CTNND2: variants seen among roughly 807,000 people sequenced by gnomAD.
CTNND2 encodes the protein catenin delta-2.
In CTNND2, 22 loss-of-function variants were observed where a neutral mutation model predicts 144.4. The observed-to-expected ratio is 0.15, with a 90% CI of 0.11 to 0.22. The LOEUF (loss-of-function observed/expected upper bound fraction) is 0.22, where lower values mean the gene tolerates loss of function less well. CTNND2 is among the 10% of genes least tolerant of loss of function. CTNND2 has a pLI of 1.00. For missense variants in CTNND2, 1,353 were observed against 1,618.8 expected (o/e 0.84, Z 2.82); for synonymous variants, 751 against 695.6 (o/e 1.08, Z -1.25).
chr5:11,847,398 C>T (rs893966669), intron 1 of CTNND2, among the ~76,000 whole-genome samples: 6 of 151,648 alleles, frequency 4.0e-5, no homozygotes, highest in East Asian at 1.9e-4. Context: ...ACAAATATGG[C>T]GTCATCTCAC....
chr5:11,134,459 G>A (rs531770067), intron 12 of CTNND2, among the ~76,000 whole-genome samples: 1 of 152,286 alleles, frequency 6.6e-6, no homozygotes, highest in South Asian at 2.1e-4. Flanking sequence ...TAATCAATTA[G>A]TAATGTTCTC....
chr5:11,388,445 A>T (rs1759307211), intron 6 of CTNND2, among the ~76,000 whole-genome samples: 1 of 152,232 alleles, frequency 6.6e-6, no homozygotes, highest in Non-Finnish European at 1.5e-5. Flanking sequence ...AATTAAGTTA[A>T]ACAGCCACAT....
chr5:11,239,004 G>A (rs776595076), intron 9 of CTNND2, among the ~76,000 whole-genome samples: 1 of 152,218 alleles, frequency 6.6e-6, no homozygotes, highest in African/African-American at 2.4e-5. Flanking sequence ...TAGCCCTCTA[G>A]AATTATATTC....
intron 3 of CTNND2, among the ~76,000 whole-genome samples, chr5:11,520,034 C>A (rs1772574294): frequency 2.7e-5 from 4 of 150,372 alleles, no homozygotes; most frequent in African/African-American, 9.8e-5. Flanking sequence ...GTAATCCTAG[C>A]TACTCGGGAG....
intron 1 of CTNND2, among the ~76,000 whole-genome samples, chr5:11,793,709 G>A (rs1042979707): frequency 1.3e-5 from 2 of 152,100 alleles, no homozygotes; most frequent in Admixed American, 1.3e-4. Flanking sequence ...TCAGACTTCT[G>A]ACCTCCAGAA....
intron 3 of CTNND2, among the ~76,000 whole-genome samples, chr5:11,423,198 G>T (rs1270157421): frequency 6.6e-6 from 1 of 152,146 alleles, no homozygotes; most frequent in Non-Finnish European, 1.5e-5. Context: ...CCATCAAACT[G>T]AATAGTTTGT....
intron 18 of CTNND2, among the ~76,000 whole-genome samples, chr5:11,014,875 T>C (rs1474240276): frequency 6.6e-6 from 1 of 152,214 alleles, no homozygotes; most frequent in Admixed American, 6.5e-5. Flanking sequence ...ATCCATAATG[T>C]CCTTATCTCT....
At chr5:11,577,608 G>T (rs1778066353) in intron 2 of CTNND2, among the ~76,000 whole-genome samples, 1 of 152,172 alleles carries the variant, frequency 6.6e-6, no homozygotes, top group African/African-American at 2.4e-5. Flanking sequence ...AATACTGAAT[G>T]TGTGTGGTTG....
intron 7 of CTNND2, among the ~76,000 whole-genome samples, chr5:11,366,855 G>T (rs1388127035): frequency 6.6e-6 from 1 of 152,030 alleles, no homozygotes; most frequent in East Asian, 1.9e-4. Context: ...ATGGTCTTAG[G>T]CTATATGTAA....
chr5:11,832,770 A>T lies in CTNND2; in HGVS notation c.37+71047T>A, dbSNP rs143033246. Among the ~76,000 whole-genome samples, 81 of 152,222 alleles carry T rather than the reference A, an allele frequency of 5.3e-4. No homozygotes were observed. The East Asian group carries it at 0.015, about 28-fold the overall frequency. On this transcript the variant is annotated intron_variant, in intron 1 of 21. Coordinates refer to ENST00000304623, the MANE Select transcript of CTNND2 (RefSeq NM_001332.4). ...AGCTTGAGCAATATGGTGAAACCTT[A>T]TCTCTACAAAAAATAGGAAAATTAG...
chr5:11,285,080 G>A lies in CTNND2; in HGVS notation c.1629-48257C>T, dbSNP rs142978096. 7.0e-3 allele frequency among the ~76,000 whole-genome samples: 1,059 copies of A among 152,268 alleles called. 31 individuals are homozygous for A. Among genetic ancestry groups the A allele is most frequent in the Admixed American group, 0.044 (679 of 15,298 alleles). On this transcript the variant is annotated intron_variant, in intron 9 of 21. Transcript: ENST00000304623. ...GAATACTGATAATTTAGTTTAGAGA[G>A]AACTCCCACCTTTGATATCTGATTC...
chr5:11,580,526 A>T lies in CTNND2; in HGVS notation c.175-15470T>A, dbSNP rs1349645205. Among the ~76,000 whole-genome samples, 4 of 152,190 alleles carry T rather than the reference A, an allele frequency of 2.6e-5. No homozygotes were observed. The South Asian group carries it at 6.2e-4, about 24-fold the overall frequency. ...TCTTTTCTAGAGTTTTACATATCCA[A>T]ATCTGATCTAGTTCTAATCAATCTA... On this transcript the variant is annotated intron_variant, in intron 2 of 21. Transcript: ENST00000304623.
intron 18 of CTNND2, among the ~76,000 whole-genome samples, chr5:11,006,302 A>C (rs1454401368): frequency 6.6e-6 from 1 of 152,230 alleles, no homozygotes. Flanking sequence ...GCCCATCTAG[A>C]CCACATGTCC....
chr5:11,861,052 T>C (rs755336841), intron 1 of CTNND2, among the ~76,000 whole-genome samples: 3 of 152,220 alleles, frequency 2.0e-5, no homozygotes, highest in African/African-American at 4.8e-5. Flanking sequence ...ATGTAAACTA[T>C]AGAAAATGAC....
intron 9 of CTNND2, among the ~76,000 whole-genome samples, chr5:11,310,442 C>T (rs258638): frequency 0.068 from 10,267 of 152,004 alleles, 1,133 homozygotes; most frequent in African/African-American, 0.23. Context: ...TCTCTAAGGT[C>T]TAAAACCCCA....
intron 9 of CTNND2, among the ~76,000 whole-genome samples, chr5:11,263,761 A>T (rs1331410597): frequency 6.6e-6 from 1 of 152,136 alleles, no homozygotes; most frequent in Non-Finnish European, 1.5e-5. Flanking sequence ...AGTTAATTTC[A>T]TCAAATACCC....
chr5:11,043,793 C>T (rs1744938495), intron 16 of CTNND2, among the ~76,000 whole-genome samples: 1 of 152,010 alleles, frequency 6.6e-6, no homozygotes, highest in African/African-American at 2.4e-5. Context: ...TCACTTGTAG[C>T]AAAGGAGAAA....
At chr5:11,756,767 T>C (rs1041619574) in intron 1 of CTNND2, among the ~76,000 whole-genome samples, 2 of 29,408 alleles carry the variant, frequency 6.8e-5, no homozygotes, top group African/African-American at 8.0e-5. Context: ...TACTTATGAA[T>C]TTATCATGTT....
intron 9 of CTNND2, among the ~76,000 whole-genome samples, chr5:11,240,719 ACACACACTCAG>A (rs1742290483): frequency 6.9e-6 from 1 of 144,696 alleles, no homozygotes; most frequent in Admixed American, 6.9e-5. Flanking sequence ...CACACCCAAA[ACACACACTCAG>A]CACACACACA....
Sources: allele counts gnomAD v4.1 joint callset (sites outside exome capture counted in the v4.1 genomes callset), GRCh38; gene constraint gnomAD v4.1.1; transcripts MANE v1.5; gene names NCBI Gene and HGNC (gene_info 2026-07-23, HGNC 2026-07-21).